NBAS: variants seen among roughly 807,000 people sequenced by gnomAD.
The protein encoded by NBAS is NAG/BC035112 fusion.
In NBAS, 219 loss-of-function variants were observed where a neutral mutation model predicts 302.5. The observed-to-expected ratio is 0.72, with a 90% CI of 0.65 to 0.81. The LOEUF (loss-of-function observed/expected upper bound fraction) is 0.81, where lower values mean the gene tolerates loss of function less well. Among genes scored for constraint, NBAS ranks in the 30% least tolerant of loss-of-function variants. NBAS has a pLI of 0.00. For synonymous variants in NBAS, 1,118 were observed against 1,021.6 expected (o/e 1.09, Z -1.80); for missense variants, 2,932 against 2,841.6 (o/e 1.03, Z -0.72).
At chr2:14,921,933 C>A in the NBAS span, among the ~76,000 whole-genome samples, 1 of 152,210 alleles carries the variant, frequency 6.6e-6, no homozygotes, top group African/African-American at 2.4e-5. Flanking sequence ...TTTTCAAACC[C>A]ATACCTTCTA....
At chr2:15,057,326 A>AG in the NBAS span, among the ~76,000 whole-genome samples, 1 of 151,614 alleles carries the variant, frequency 6.6e-6, no homozygotes. Context: ...AAAAAAAAAA[A>AG]ACTGTTGCAG....
chr2:15,156,974 C>T, the NBAS span, among the ~76,000 whole-genome samples: 1 of 152,080 alleles, frequency 6.6e-6, no homozygotes, highest in Non-Finnish European at 1.5e-5. Flanking sequence ...CCCTTTGACC[C>T]ACCCCCCTCT....
chr2:15,403,696 T>G (rs1277048934), intron 25 of NBAS, among the ~76,000 whole-genome samples: 2 of 152,056 alleles, frequency 1.3e-5, no homozygotes, highest in African/African-American at 2.4e-5. Context: ...CCCCCCCAGA[T>G]ACTGAGGGAT....
chr2:15,338,349 C>T (rs1672687641), intron 35 of NBAS, among the ~76,000 whole-genome samples: 1 of 152,152 alleles, frequency 6.6e-6, no homozygotes, highest in African/African-American at 2.4e-5. Context: ...CCTTAAATAA[C>T]CCAAAGTACT....
At chr2:15,498,550 A>G (rs1681156566) in intron 11 of NBAS, among the ~76,000 whole-genome samples, 1 of 152,166 alleles carries the variant, frequency 6.6e-6, no homozygotes, top group South Asian at 2.1e-4. Context: ...CTAAAAACAG[A>G]AATACCATTC....
chr2:15,395,845 C>T (rs369396428), intron 27 of NBAS, among the ~76,000 whole-genome samples: 72 of 152,030 alleles, frequency 4.7e-4, no homozygotes, highest in South Asian at 6.2e-4. Context: ...AGACTTTCTA[C>T]ATGGGAAATT....
chr2:15,232,746 G>A (rs1039465875), intron 46 of NBAS, among the ~76,000 whole-genome samples: 8 of 152,050 alleles, frequency 5.3e-5, no homozygotes, highest in Non-Finnish European at 1.2e-4. Flanking sequence ...CCTATCAAGA[G>A]AATAACACAT....
At chr2:14,919,498 T>A in the NBAS span, among the ~76,000 whole-genome samples, 1 of 152,204 alleles carries the variant, frequency 6.6e-6, no homozygotes, top group African/African-American at 2.4e-5. Context: ...ATGATGAAGT[T>A]TGCTGCATCC....
chr2:15,465,305 G>A (rs1431849682), intron 19 of NBAS, among the ~76,000 whole-genome samples: 1 of 152,116 alleles, frequency 6.6e-6, no homozygotes, highest in Non-Finnish European at 1.5e-5. Flanking sequence ...TGCCTTTTGT[G>A]AAAGGCCAGC....
At chr2:15,259,455 G>C (rs957575223) in intron 44 of NBAS, among the ~76,000 whole-genome samples, 2 of 152,192 alleles carry the variant, frequency 1.3e-5, no homozygotes, top group African/African-American at 4.8e-5. Flanking sequence ...GTTTGTTCTA[G>C]CCAACACCTG....
chr2:15,111,921 TA>T, the NBAS span, among the ~76,000 whole-genome samples: 1 of 147,644 alleles, frequency 6.8e-6, no homozygotes, highest in Non-Finnish European at 1.5e-5. Flanking sequence ...AATTAAATAT[TA>T]ATATATTAAT....
chr2:15,466,539 C>A (rs1266530057), intron 19 of NBAS, among the ~76,000 whole-genome samples: 1 of 152,098 alleles, frequency 6.6e-6, no homozygotes, highest in African/African-American at 2.4e-5. Flanking sequence ...ATGTTTGTGT[C>A]CCTGAAGACC....
chr2:14,833,616 G>T, the NBAS span, among the ~76,000 whole-genome samples: 6 of 151,620 alleles, frequency 4.0e-5, no homozygotes, highest in East Asian at 1.2e-3. Context: ...AAGAACAGTA[G>T]GATACTGTCT....
the NBAS span, among the ~76,000 whole-genome samples, chr2:15,124,407 A>C: frequency 6.6e-6 from 1 of 152,170 alleles, no homozygotes; most frequent in Non-Finnish European, 1.5e-5. Context: ...GAGAGCATAC[A>C]AGTTTGGAAA....
At chr2:14,781,602 A>C in the NBAS span, among the ~76,000 whole-genome samples, 1 of 152,136 alleles carries the variant, frequency 6.6e-6, no homozygotes, top group East Asian at 1.9e-4. Context: ...CTCGATCAGC[A>C]TGGGAATAGC....
At chr2:14,895,693 T>C in the NBAS span, among the ~76,000 whole-genome samples, 1 of 148,568 alleles carries the variant, frequency 6.7e-6, no homozygotes, top group Non-Finnish European at 1.5e-5. Context: ...TGAGCTGAGA[T>C]CGCGCCACCG....
chr2:15,321,739 A>G (rs1376694313), intron 38 of NBAS, among the ~76,000 whole-genome samples: 2 of 152,164 alleles, frequency 1.3e-5, no homozygotes, highest in Non-Finnish European at 2.9e-5. Flanking sequence ...AAGTCAGGAA[A>G]CAGATGCTAG....
intron 35 of NBAS, among the ~76,000 whole-genome samples, chr2:15,346,483 T>A (rs1673096782): frequency 6.6e-6 from 1 of 152,134 alleles, no homozygotes; most frequent in African/African-American, 2.4e-5. Flanking sequence ...ATAGCGATTA[T>A]TTTAAAAGTC....
rs1241843519 is a variant in NBAS at position 15,501,149 on chromosome 2, A to C, written c.954+2996T>G. Among the ~76,000 whole-genome samples, 5 of 151,044 alleles carry C rather than the reference A, an allele frequency of 3.3e-5. No homozygotes were observed. In the East Asian group the frequency reaches 9.8e-4, roughly 30 times the overall value. On this transcript the variant is annotated intron_variant, in intron 11 of 51. Transcript: ENST00000281513. ...ACCTCATATCTACTAAAAATACAAA[A>C]AGTTAGCCGGGTATGGTGGCGGGTG...
Sources: allele counts gnomAD v4.1 joint callset (sites outside exome capture counted in the v4.1 genomes callset), GRCh38; gene constraint gnomAD v4.1.1; transcripts MANE v1.5; gene names NCBI Gene and HGNC (gene_info 2026-07-23, HGNC 2026-07-21).